The following ADGB variants were observed in gnomAD, a reference collection of about 807,000 sequenced individuals.
The protein encoded by ADGB is androglobin.
A neutral mutation model predicts 210.5 loss-of-function variants in ADGB; 172 were observed. The observed-to-expected ratio is 0.82, with a 90% CI of 0.72 to 0.93. The LOEUF is 0.93. ADGB is among the 40% of genes least tolerant of loss of function. ADGB has a pLI of 0.00. For synonymous variants in ADGB, 658 were observed against 662.7 expected (o/e 0.99, Z 0.11); for missense variants, 2,025 against 1,964.8 (o/e 1.03, Z -0.58).
At chr6:146,744,061 G>A (rs193281945) in intron 25 of ADGB, among the ~76,000 whole-genome samples, 1 of 152,186 alleles carries the variant, frequency 6.6e-6, no homozygotes, top group African/African-American at 2.4e-5. Flanking sequence ...AACAACCTTT[G>A]TCCCTGCTAA....
chr6:146,728,367 T>C (rs983590505), intron 19 of ADGB, among the ~76,000 whole-genome samples: 2 of 152,202 alleles, frequency 1.3e-5, no homozygotes, highest in Non-Finnish European at 2.9e-5. Flanking sequence ...TGAATATTCC[T>C]CCTACAGGTT....
intron 32 of ADGB, among the ~76,000 whole-genome samples, chr6:146,786,307 G>A (rs1777873800): frequency 6.6e-6 from 1 of 151,370 alleles, no homozygotes; most frequent in Non-Finnish European, 1.5e-5. Context: ...GAATTGGCCT[G>A]CAGACAGGCC....
chr6:146,676,307 T>C lies in ADGB; in HGVS notation c.1088-6T>C. The C allele has an allele frequency of 6.5e-7, 1 of 1,539,146 alleles. No individual in the cohort carries two copies. Reference sequence around the variant, plus strand: ...AAATATTTATTGTGATTTTTTCATATGTTAGAGAAAGCAGATGCAAGAGAC... The same window carrying C: ...AAATATTTATTGTGATTTTTTCATACGTTAGAGAAAGCAGATGCAAGAGAC... On this transcript the variant is annotated splice_region_variant and splice_polypyrimidine_tract_variant and intron_variant, in intron 8 of 35. Coordinates refer to ENST00000397944, the MANE Select transcript of ADGB (RefSeq NM_024694.4).
intron 12 of ADGB, among the ~76,000 whole-genome samples, chr6:146,695,827 T>C (rs57375368): frequency 0.021 from 3,126 of 152,160 alleles, 92 homozygotes; most frequent in African/African-American, 0.07. Flanking sequence ...TTACTATTCA[T>C]AGATTAAAAT....
intron 35 of ADGB, chr6:146,807,444 G>C (rs1165774229): frequency 6.4e-7 from 1 of 1,551,550 alleles, no homozygotes; most frequent in Non-Finnish European, 8.7e-7. Flanking sequence ...CGACATCCGG[G>C]AAGAGTACAG....
At chr6:146,689,485 TTTG>T (rs1776273261) in intron 10 of ADGB, among the ~76,000 whole-genome samples, 1 of 152,186 alleles carries the variant, frequency 6.6e-6, no homozygotes. Context: ...AATACTGGAA[TTTG>T]TTGTTTGGAC....
chr6:146,649,420 C>A (rs1055376269), intron 3 of ADGB, among the ~76,000 whole-genome samples: 1 of 151,774 alleles, frequency 6.6e-6, no homozygotes, highest in Non-Finnish European at 1.5e-5. Context: ...CAAAGGCAAA[C>A]AAACATAAAA....
chr6:146,672,195 T>A, intron 7 of ADGB, 25 bp from the exon 8 acceptor site: 1 of 1,458,832 alleles, frequency 6.9e-7, no homozygotes, highest in Non-Finnish European at 9.1e-7. Flanking sequence ...CGTTTGGAAA[T>A]TAATGTTTTT....
In ADGB at chr6:146,676,344, G is replaced by T. The variant is rs78189468; in HGVS notation, c.1119G>T (p.Lys373Asn). 6.5e-7 allele frequency: 1 copy of T among 1,549,218 alleles called. No individual in the cohort carries two copies. The highest frequency in any genetic ancestry group is 8.7e-7 in the Non-Finnish European group (1 of 1,145,662). The change falls in exon 9 of 36, where the codon AAG becomes AAT. Residue 373 changes from lysine (K) to asparagine (N), a missense_variant. Transcript: ENST00000397944. ...EKADARDIGK[K>N]RSKDGEKEKF... ...CAGATGCAAGAGACATTGGAAAGAA[G>T]AGAAGCAAAGATGGAGAAAAAGAAA...
intron 31 of ADGB, among the ~76,000 whole-genome samples, chr6:146,785,098 C>A (rs1777855151): frequency 1.3e-5 from 2 of 152,092 alleles, no homozygotes; most frequent in African/African-American, 4.8e-5. Flanking sequence ...CTCTTAACAC[C>A]CCCAAGTAAG....
At chr6:146,642,479 C>A (rs1182410641) in intron 2 of ADGB, among the ~76,000 whole-genome samples, 1 of 151,958 alleles carries the variant, frequency 6.6e-6, no homozygotes, top group East Asian at 1.9e-4. Context: ...AACATGGAAG[C>A]AACCTGAATA....
At chr6:146,756,987 C>G (rs1000585969) in intron 27 of ADGB, among the ~76,000 whole-genome samples, 1 of 151,856 alleles carries the variant, frequency 6.6e-6, no homozygotes, top group South Asian at 2.1e-4. Flanking sequence ...TCAGCTTCCC[C>G]AAGGGCTGGG....
intron 23 of ADGB, among the ~76,000 whole-genome samples, chr6:146,738,438 CTTTTTTTTTT>C (rs71031008): frequency 0.075 from 5,362 of 71,376 alleles, 534 homozygotes; most frequent in African/African-American, 0.25. Context: ...CCCATTTCAT[CTTTTTTTTTT>C]TTTTTTTTTT....
intron 1 of ADGB, among the ~76,000 whole-genome samples, chr6:146,624,769 TGC>T: frequency 6.6e-6 from 1 of 151,968 alleles, no homozygotes; most frequent in Non-Finnish European, 1.5e-5. Flanking sequence ...AATTTTAATT[TGC>T]TGTGTTTTCA....
chr6:146,746,054 G>T lies in ADGB; in HGVS notation c.3310G>T (p.Ala1104Ser). The part of the protein sequence containing the change: ...LSRDSPCNSF[A>S]IKEIRDYYIP... ...TCGAGACTCTCCATGCAATTCCTTT[G>T]CCATAAAGGAAATCCGAGATTACTA... The change falls in exon 26 of 36, where the codon GCC (alanine) becomes TCC (serine). Residue 1104 changes from alanine (A) to serine (S), a missense_variant. Coordinates refer to ENST00000397944, the MANE Select transcript of ADGB (RefSeq NM_024694.4). 9 of 1,550,602 alleles carry T rather than the reference G, an allele frequency of 5.8e-6. No homozygotes were observed. Among genetic ancestry groups the T allele is most frequent in the Non-Finnish European group, 7.9e-6 (9 of 1,146,334 alleles).
rs2114612634 is a variant in ADGB, at chr6:146,752,721, G to A, written c.3550+7G>A. ...AAAGGTTTGAGCTCCCAGTGTAAGT[G>A]TACCTTTATGAACAGGATAGTTAGA... On this transcript the variant is annotated splice_region_variant and intron_variant, in intron 27 of 35. Coordinates refer to ENST00000397944, the MANE Select transcript of ADGB (RefSeq NM_024694.4). 6.5e-7 allele frequency: 1 copy of A among 1,544,044 alleles called. No homozygotes were observed. The highest frequency in any genetic ancestry group is 2.4e-5 in the East Asian group (1 of 40,840).
intron 13 of ADGB, among the ~76,000 whole-genome samples, chr6:146,712,047 ATCC>A (rs1776665010): frequency 7.6e-6 from 1 of 131,268 alleles, no homozygotes. Flanking sequence ...ACAGAGCCAG[ATCC>A]TGTCAAAAAA....
intron 2 of ADGB, among the ~76,000 whole-genome samples, chr6:146,641,433 A>G (rs1394661814): frequency 6.6e-6 from 1 of 151,934 alleles, no homozygotes; most frequent in Non-Finnish European, 1.5e-5. Flanking sequence ...AAGAACCTGA[A>G]TAGCCAAGGC....
Position 146,654,179 on chromosome 6 carries a change from A to C in ADGB, c.375A>C (p.Ser125=). The C allele has an allele frequency of 6.5e-7, 1 of 1,545,592 alleles. No homozygotes were observed. Among genetic ancestry groups the C allele is most frequent in the Non-Finnish European group, 8.8e-7 (1 of 1,142,850 alleles). ...ATGAAATCACGTTTGACTTATTTTC[A>C]GCAAATGAACATTTACTCTGCAGCG... is the stretch of plus-strand genomic sequence containing the variant. ...VKNEITFDLF[S]ANEHLLCSEL... The change falls in exon 4 of 36, where the codon TCA becomes TCC. Residue 125 remains serine, a synonymous_variant. Coordinates refer to ENST00000397944, the MANE Select transcript of ADGB (RefSeq NM_024694.4).
Sources: gnomAD v4.1 joint callset for allele counts (sites outside exome capture counted in the v4.1 genomes callset) on GRCh38, gnomAD v4.1.1 for gene constraint, MANE v1.5 for transcripts, NCBI Gene and HGNC (gene_info 2026-07-23, HGNC 2026-07-21) for gene names.